Variants in CIT observed in about 807,000 individuals in gnomAD.
CIT encodes the protein citron Rho-interacting kinase.
CIT carries 79 observed loss-of-function variants against 272.7 expected under a neutral mutation model. The ratio of observed to expected loss-of-function variants is 0.29; its 90% CI spans 0.24 to 0.35. The LOEUF (loss-of-function observed/expected upper bound fraction) is 0.35. CIT is among the 10% of genes least tolerant of loss of function. CIT has a pLI of 1.00. For synonymous variants in CIT, 948 were observed against 995.6 expected (o/e 0.95, Z 0.90); for missense variants, 1,909 against 2,618.3 (o/e 0.73, Z 5.91).
intron 2 of CIT, among the ~76,000 whole-genome samples, chr12:119,874,987 T>C (rs1436365064): frequency 6.6e-6 from 1 of 152,178 alleles, no homozygotes; most frequent in Non-Finnish European, 1.5e-5. Context: ...TCTTTGTTCA[T>C]TTATTTTTCT....
At chr12:119,726,144 T>A (rs1166114812) in intron 28 of CIT, among the ~76,000 whole-genome samples, 1 of 152,174 alleles carries the variant, frequency 6.6e-6, no homozygotes, top group Non-Finnish European at 1.5e-5. Flanking sequence ...TTAAGTACAC[T>A]CATGTTATTG....
chr12:119,765,469 CTTT>C (rs34623472), intron 19 of CIT, among the ~76,000 whole-genome samples: 3 of 115,444 alleles, frequency 2.6e-5, no homozygotes, highest in Non-Finnish European at 3.5e-5. Context: ...AAGAAACAGA[CTTT>C]TTTTTTTTTT....
intron 8 of CIT, among the ~76,000 whole-genome samples, chr12:119,823,375 C>G (rs1350599610): frequency 6.6e-6 from 1 of 152,182 alleles, no homozygotes; most frequent in South Asian, 2.1e-4. Context: ...CTGCACTCTA[C>G]TTTTGCACAC....
chr12:119,704,356 G>T lies in CIT; in HGVS notation c.5304+7C>A, dbSNP rs750534966. 1.9e-6 allele frequency: 3 copies of T among 1,613,550 alleles called. No homozygotes were observed. Among genetic ancestry groups the T allele is most frequent in the Non-Finnish European group, 2.5e-6 (3 of 1,179,534 alleles). On this transcript the variant is annotated splice_region_variant and intron_variant, in intron 41 of 47. Coordinates refer to ENST00000392521, the MANE Select transcript of CIT (RefSeq NM_001206999.2). ...CACGTTCAACCAAGGCAAGGCCCAG[G>T]ACTTACTTTCCGGATGCAGTATTTG...
rs1962543033 is a variant in CIT, at chr12:119,767,156, G to T, written c.2235C>A (p.Ala745=). ...CTTCTAGGTGCTGGGCTGAGACTTG[G>T]GCCTCCCGATGTTTCTCTTCGAGCT... ...ILELEEKHRE[A]QVSAQHLEVH... Residue 745 remains alanine (A), a synonymous_variant, in exon 19 of 48, where the codon GCC becomes GCA. Coordinates refer to ENST00000392521, the MANE Select transcript of CIT (RefSeq NM_001206999.2). 6.2e-7 allele frequency: 1 copy of T among 1,609,558 alleles called. No individual in the cohort carries two copies. The highest frequency in any genetic ancestry group is 1.3e-5 in the African/African-American group (1 of 74,806).
chr12:119,712,609 C>A lies in CIT; in HGVS notation c.4666G>T (p.Ala1556Ser). 6.2e-7 allele frequency: 1 copy of A among 1,614,116 alleles called. No homozygotes were observed. The highest frequency in any genetic ancestry group is 8.5e-7 in the Non-Finnish European group (1 of 1,179,992). ...TCCTCACCTGCTTTGGCTGTATTTG[C>A]GAGTTCGGAAGCACCAACGGCACCA... ...IHGAVGASEL[A>S]NTAKADVPYI... is the part of the protein sequence containing the mutation. Residue 1556 changes from alanine to serine, a missense_variant, in exon 36 of 48, where the codon GCA becomes TCA. Coordinates refer to ENST00000392521, the MANE Select transcript of CIT (RefSeq NM_001206999.2). The surrounding 1 kb of genome is among the most constrained non-coding windows in gnomAD (Gnocchi z 5.2).
intron 28 of CIT, among the ~76,000 whole-genome samples, chr12:119,723,397 T>TAA (rs869077083): frequency 1.5e-4 from 6 of 40,828 alleles, no homozygotes; most frequent in East Asian, 1.7e-3. Flanking sequence ...CCCTATACAT[T>TAA]AAAAAAAAAA....
chr12:119,704,209 C>T (rs1034136317), intron 41 of CIT, among the ~76,000 whole-genome samples, 154 bp downstream of exon 41: 1 of 152,142 alleles, frequency 6.6e-6, no homozygotes, highest in Non-Finnish European at 1.5e-5. Context: ...GGAAGGATCT[C>T]GCTGACGACA....
At chr12:119,801,835 TCAGA>T (rs1431843601) in intron 10 of CIT, among the ~76,000 whole-genome samples, 1 of 152,088 alleles carries the variant, frequency 6.6e-6, no homozygotes, top group Non-Finnish European at 1.5e-5. Context: ...GTGGAGCAAA[TCAGA>T]CAGAGAGGCA....
intron 13 of CIT, among the ~76,000 whole-genome samples, chr12:119,781,541 T>C (rs966725435): frequency 5.3e-5 from 8 of 152,208 alleles, no homozygotes; most frequent in Non-Finnish European, 1.2e-4. Context: ...GCTCTCCAAT[T>C]GCTCATTGCC....
At position 119,713,297 on chromosome 12, in the gene CIT, G is replaced by T. The variant is rs372067769; in HGVS notation, c.4488-3C>A. 2.0e-5 allele frequency: 33 copies of T among 1,613,426 alleles called. No homozygotes were observed. In the African/African-American group the frequency reaches 3.9e-4, roughly 19 times the overall value. On this transcript the variant is annotated splice_polypyrimidine_tract_variant and splice_region_variant and intron_variant, in intron 34 of 47. Transcript: ENST00000392521. This position sits in a 1 kb window ranked among gnomAD's most constrained non-coding sequence, Gnocchi z 5.2. ...CTTGCTGTCCTCGTTTGTTATTCCTGGGGAAAGAAAGATGGAAAAGAAAAA... is the reference window on the plus strand; with the variant it reads ...CTTGCTGTCCTCGTTTGTTATTCCTTGGGAAAGAAAGATGGAAAAGAAAAA...
intron 19 of CIT, among the ~76,000 whole-genome samples, chr12:119,764,344 G>T (rs910969431): frequency 6.6e-6 from 1 of 152,170 alleles, no homozygotes; most frequent in Non-Finnish European, 1.5e-5. Context: ...GCTTGAAAAT[G>T]AATGCACAGA....
intron 3 of CIT, among the ~76,000 whole-genome samples, chr12:119,864,034 G>A (rs1950444983): frequency 6.6e-6 from 1 of 151,662 alleles, no homozygotes; most frequent in Non-Finnish European, 1.5e-5. Context: ...AAATTGCCAA[G>A]TCTAAGGTAT....
intron 10 of CIT, among the ~76,000 whole-genome samples, chr12:119,801,981 G>A (rs1482117149): frequency 9.2e-5 from 14 of 152,188 alleles, no homozygotes; most frequent in South Asian, 8.3e-4. Context: ...ACCTTATTTC[G>A]TATCAAATGC....
At chr12:119,811,056 G>A (rs1593832645) in intron 9 of CIT, among the ~76,000 whole-genome samples, 1 of 152,156 alleles carries the variant, frequency 6.6e-6, no homozygotes, top group African/African-American at 2.4e-5. Context: ...CGGGCCTGGT[G>A]GCTAACACTT....
chr12:119,785,679 A>G (rs1294653140), intron 10 of CIT, among the ~76,000 whole-genome samples: 2 of 152,060 alleles, frequency 1.3e-5, no homozygotes, highest in African/African-American at 4.8e-5. Flanking sequence ...TCCTGGGTTC[A>G]AGCAATTCTC....
At chr12:119,834,738 T>A (rs866549639) in intron 5 of CIT, among the ~76,000 whole-genome samples, 1 of 152,348 alleles carries the variant, frequency 6.6e-6, no homozygotes, top group South Asian at 2.1e-4. Context: ...TTTGACCTAG[T>A]AATTCCACTT....
rs528298355 is a variant in CIT, at chr12:119,697,518, G to T, written c.5882+141C>A. 1 of 897,246 alleles carries T rather than the reference G, an allele frequency of 1.1e-6. No individual in the cohort carries two copies. The highest frequency in any genetic ancestry group is 1.7e-6 in the Non-Finnish European group (1 of 585,040). 55.6% of individuals were successfully genotyped at this position (897,246 alleles called of 1,614,324 possible). ...TAATGGTCTGTGTTATTTCAGTGCCGCAGATCGCAAACAAATGAATGGTTT... is the reference window on the plus strand; with the variant it reads ...TAATGGTCTGTGTTATTTCAGTGCCTCAGATCGCAAACAAATGAATGGTTT... On this transcript the variant is annotated intron_variant, in intron 46 of 47. Transcript: ENST00000392521. The surrounding 1 kb of genome is among the most constrained non-coding windows in gnomAD (Gnocchi z 4.9).
intron 28 of CIT, among the ~76,000 whole-genome samples, chr12:119,722,465 C>T (rs923617679): frequency 1.3e-5 from 2 of 152,106 alleles, no homozygotes; most frequent in African/African-American, 2.4e-5. Flanking sequence ...ATTTCCTGGC[C>T]CTCTCTGTCT....
Sources: gnomAD v4.1 joint callset for allele counts (sites outside exome capture counted in the v4.1 genomes callset) on GRCh38, gnomAD v4.1.1 for gene constraint, Gnocchi (gnomAD v3.1) non-coding constraint, MANE v1.5 for transcripts, NCBI Gene and HGNC (gene_info 2026-07-23, HGNC 2026-07-21) for gene names.